DNAH17: variants seen among roughly 807,000 people sequenced by gnomAD.
The protein encoded by DNAH17 is dynein axonemal heavy chain 17.
In DNAH17, 376 loss-of-function variants were observed where a neutral mutation model predicts 485.6. The ratio of observed to expected loss-of-function variants is 0.77; its 90% confidence interval spans 0.71 to 0.84. The LOEUF is 0.84. Ranked by LOEUF, DNAH17 falls within the 40% of genes least tolerant of loss-of-function variation. The probability of loss-of-function intolerance (pLI) is 0.00; values close to 1 mark genes in which losing one functional copy is unlikely to be tolerated. For synonymous variants in DNAH17, 3,031 were observed against 2,405.9 expected (o/e 1.26, Z -7.60); for missense variants, 6,370 against 5,839.3 (o/e 1.09, Z -2.96).
At chr17:78,514,021 A>G (rs770448952) in intron 26 of DNAH17, among the ~76,000 whole-genome samples, 1 of 152,120 alleles carries the variant, frequency 6.6e-6, no homozygotes, top group Non-Finnish European at 1.5e-5. Context: ...AGTGCCTGCC[A>G]GTACTGTGGG....
intron 16 of DNAH17, among the ~76,000 whole-genome samples, chr17:78,545,637 G>A (rs958174739): frequency 2.0e-5 from 3 of 152,146 alleles, no homozygotes; most frequent in African/African-American, 7.2e-5. Flanking sequence ...TCACAGCAGG[G>A]ATCACGGCTT....
intron 71 of DNAH17, among the ~76,000 whole-genome samples, chr17:78,444,254 G>A (rs1342057735): frequency 6.6e-6 from 1 of 152,162 alleles, no homozygotes; most frequent in Non-Finnish European, 1.5e-5. Context: ...AATGTAGGAG[G>A]CTCATGTGGG....
chr17:78,524,882 C>T, intron 25 of DNAH17, 127 bp downstream of exon 25: 1 of 1,365,204 alleles, frequency 7.3e-7, no homozygotes, highest in Non-Finnish European at 9.8e-7. Context: ...GATGCCTCCA[C>T]CCAACACCAG....
chr17:78,439,083 C>T lies in DNAH17; in HGVS notation c.11805+7G>A. 1.9e-6 allele frequency: 3 copies of T among 1,612,818 alleles called. No individual in the cohort carries two copies. Among genetic ancestry groups the T allele is most frequent in the Non-Finnish European group, 2.5e-6 (3 of 1,179,630 alleles). ...GCCCTTACCCTGCAGTGCTGGCCCC[C>T]TCGTACCTGCAGAATGACCCAGTGT... On this transcript the variant is annotated splice_region_variant and intron_variant, in intron 73 of 80. Coordinates refer to ENST00000389840, the MANE Select transcript of DNAH17 (RefSeq NM_173628.4).
chr17:78,459,265 G>A lies in DNAH17; in HGVS notation c.9654-57C>T, dbSNP rs1401766195. ...ACCCTGTCCTGCTCTGGCAAAACGGGCCCAGAGAAGCTGAGTGTCTTGCCC... is the reference window on the plus strand; with the variant it reads ...ACCCTGTCCTGCTCTGGCAAAACGGACCCAGAGAAGCTGAGTGTCTTGCCC... On this transcript the variant is annotated intron_variant, in intron 60 of 80. Coordinates refer to ENST00000389840, the MANE Select transcript of DNAH17 (RefSeq NM_173628.4). 11 of 1,511,536 alleles carry A rather than the reference G, an allele frequency of 7.3e-6. No homozygotes were observed. The Admixed American group carries it at 1.0e-4, about 14-fold the overall frequency. 93.6% of individuals were successfully genotyped at this position (1,511,536 alleles called of 1,614,324 possible).
chr17:78,560,775 C>G lies in DNAH17; in HGVS notation c.1996G>C (p.Ala666Pro), dbSNP rs772741267. 6.4e-7 allele frequency: 1 copy of G among 1,552,096 alleles called. No individual in the cohort carries two copies. Among genetic ancestry groups the G allele is most frequent in the Admixed American group, 2.0e-5 (1 of 51,084 alleles). The change falls in exon 13 of 81, where the codon GCT becomes CCT. Residue 666 changes from alanine to proline, a missense_variant. Physicochemically the swap from Ala to Pro is conservative, Grantham distance 27. Coordinates refer to ENST00000389840, the MANE Select transcript of DNAH17 (RefSeq NM_173628.4). ...LGQPLILRDAASNLIHVNFSK... is the reference protein window; with the variant it reads ...LGQPLILRDAPSNLIHVNFSK... ...AAGTTGACGTGGATGAGGTTGCTAG[C>G]GGCGTCCCGCAGAATCAGCGGCTGC...
At chr17:78,485,130 G>A (rs1245033001) in intron 47 of DNAH17, 97 bp from the exon 48 acceptor site, 4 of 1,434,500 alleles carry the variant, frequency 2.8e-6, no homozygotes, top group Non-Finnish European at 3.7e-6. Context: ...AGGACAGAAG[G>A]TGGGACCTGG....
chr17:78,505,101 G>C (rs981525291), intron 31 of DNAH17, among the ~76,000 whole-genome samples, 192 bp downstream of exon 31: 2 of 151,946 alleles, frequency 1.3e-5, no homozygotes, highest in Non-Finnish European at 2.9e-5. Context: ...ATATGGGTAA[G>C]GCTGGGCTGG....
chr17:78,517,687 G>T (rs1202431511), intron 25 of DNAH17, among the ~76,000 whole-genome samples: 1 of 152,140 alleles, frequency 6.6e-6, no homozygotes, highest in African/African-American at 2.4e-5. Flanking sequence ...CATTTCCTCA[G>T]GGCTGTCTTA....
At chr17:78,456,199 C>G (rs955416564) in intron 62 of DNAH17, among the ~76,000 whole-genome samples, 2 of 152,056 alleles carry the variant, frequency 1.3e-5, no homozygotes, top group South Asian at 4.1e-4. Context: ...TTCAAGAAGC[C>G]GAGGCGGGAG....
chr17:78,561,870 C>G lies in DNAH17; in HGVS notation c.1680G>C (p.Lys560Asn). ...ELFDAELDNA[K>N]ILYDAQMAAS... Reference sequence around the variant, plus strand: ...CCGCCATCTGGGCATCGTACAAGATCTTAGCATTGTCTAGCTCAGCGTCAA... The same window carrying G: ...CCGCCATCTGGGCATCGTACAAGATGTTAGCATTGTCTAGCTCAGCGTCAA... Residue 560 changes from lysine (K) to asparagine (N), a missense_variant, in exon 12 of 81, where the codon AAG (lysine) becomes AAC (asparagine). Coordinates refer to ENST00000389840, the MANE Select transcript of DNAH17 (RefSeq NM_173628.4). 6.2e-7 allele frequency: 1 copy of G among 1,613,966 alleles called. No individual in the cohort carries two copies. Among genetic ancestry groups the G allele is most frequent in the Non-Finnish European group, 8.5e-7 (1 of 1,179,868 alleles).
In DNAH17 at chr17:78,490,590, TAC is replaced by T. The variant is rs1460790663; in HGVS notation, c.6818+107_6818+108del. ...ACACTGGTGCCTGGTGAGGGCCTGA[TAC>T]ACAGTTTGTGACATGAATGATGAAT... On this transcript the variant is annotated intron_variant, in intron 44 of 80. Transcript: ENST00000389840. 13 of 1,446,620 alleles carry T rather than the reference TAC, an allele frequency of 9.0e-6. No individual in the cohort carries two copies. The East Asian group carries it at 1.3e-4, about 14-fold the overall frequency. 89.6% of individuals were successfully genotyped at this position (1,446,620 alleles called of 1,614,324 possible).
chr17:78,563,322 C>T (rs2092198141), intron 11 of DNAH17, among the ~76,000 whole-genome samples: 1 of 152,126 alleles, frequency 6.6e-6, no homozygotes. Context: ...CTGCCAGCTA[C>T]CGCCTTCCTC....
chr17:78,429,205 C>T lies in DNAH17; in HGVS notation c.12321G>A (p.Leu4107=). 2 of 1,613,878 alleles carry T rather than the reference C, an allele frequency of 1.2e-6. No individual in the cohort carries two copies. Among genetic ancestry groups the T allele is most frequent in the Admixed American group, 3.3e-5 (2 of 60,018 alleles). The change falls in exon 76 of 81, where the codon CTG becomes CTA. Residue 4107 remains leucine (L), a synonymous_variant. Coordinates refer to ENST00000389840, the MANE Select transcript of DNAH17 (RefSeq NM_173628.4). ...DWDRRLCRTY[L]AEYIRTEMLE... Reference sequence around the variant, plus strand: ...GCATCTCCGTCCGGATGTATTCAGCCAGGTAGGTCCTGCACAGCCGACGGT... The same window carrying T: ...GCATCTCCGTCCGGATGTATTCAGCTAGGTAGGTCCTGCACAGCCGACGGT...
At chr17:78,563,076 A>G (rs767711111) in intron 11 of DNAH17, among the ~76,000 whole-genome samples, 11 of 152,206 alleles carry the variant, frequency 7.2e-5, no homozygotes, top group Non-Finnish European at 1.2e-4. Context: ...AAACCAAAAC[A>G]TGACTGCGAA....
intron 15 of DNAH17, 54 bp downstream of exon 15, chr17:78,552,643 G>T: frequency 3.9e-6 from 5 of 1,279,248 alleles, no homozygotes; most frequent in Non-Finnish European, 4.6e-6. Flanking sequence ...ACAGATGCTG[G>T]GCAGGTTGGA....
In DNAH17 at chr17:78,475,386, C is replaced by G. The variant is rs769266562; in HGVS notation, c.8403G>C (p.Gly2801=). 2 of 1,613,970 alleles carry G rather than the reference C, an allele frequency of 1.2e-6. No individual in the cohort carries two copies. The highest frequency in any genetic ancestry group is 1.3e-5 in the African/African-American group (1 of 75,034). The part of the protein sequence containing the change: ...ESPRGNALLV[G]VGGSGKQSLS... ...GGCTCTGTTTGCCACTGCCGCCCAC[C>G]CCCACCAGCAGGGCATTCCCCCGGG... The change falls in exon 54 of 81, where the codon GGG becomes GGC. Residue 2801 remains glycine (G), a synonymous_variant. Coordinates refer to ENST00000389840, the MANE Select transcript of DNAH17 (RefSeq NM_173628.4).
intron 77 of DNAH17, 116 bp downstream of exon 77, chr17:78,428,409 G>C (rs1207427830): frequency 2.3e-6 from 3 of 1,289,068 alleles, no homozygotes; most frequent in Non-Finnish European, 3.3e-6. Flanking sequence ...CCAAGGCTGG[G>C]GCAGAGTGTA....
chr17:78,570,295 G>A lies in DNAH17; in HGVS notation c.996C>T (p.Ala332=), dbSNP rs777416281. The change falls in exon 7 of 81, where the codon GCC becomes GCT. Residue 332 remains alanine (A), a synonymous_variant. Coordinates refer to ENST00000389840, the MANE Select transcript of DNAH17 (RefSeq NM_173628.4). The part of the protein sequence containing the change: ...WATSEYYNTP[A]RIIVILQEFC... ...ACTCCTGCAGGATGACGATGATCCTGGCAGGTGTGTTATAGTACTCAGAGG... is the reference window on the plus strand; with the variant it reads ...ACTCCTGCAGGATGACGATGATCCTAGCAGGTGTGTTATAGTACTCAGAGG... 37 of 1,600,566 alleles carry A rather than the reference G, an allele frequency of 2.3e-5. 1 individual carries two copies. Among genetic ancestry groups the A allele is most frequent in the Non-Finnish European group, 8.5e-7 (1 of 1,173,988 alleles).
Sources: allele counts gnomAD v4.1 joint callset (sites outside exome capture counted in the v4.1 genomes callset), GRCh38; gene constraint gnomAD v4.1.1; transcripts MANE v1.5; gene names NCBI Gene and HGNC (gene_info 2026-07-23, HGNC 2026-07-21).